JAKMIP3: variants seen among roughly 807,000 people sequenced by gnomAD.
The protein encoded by JAKMIP3 is janus kinase and microtubule-interacting protein 3.
A neutral mutation model predicts 118.5 loss-of-function variants in JAKMIP3; 58 were observed. That is an observed-to-expected ratio of 0.49 (90% CI 0.40 to 0.61). The LOEUF (loss-of-function observed/expected upper bound fraction) is 0.61. Among genes scored for constraint, JAKMIP3 ranks in the 20% least tolerant of loss-of-function variants. JAKMIP3 has a pLI of 0.00. For missense variants in JAKMIP3, 950 were observed against 1,109.0 expected (o/e 0.86, Z 2.04); for synonymous variants, 486 against 451.2 (o/e 1.08, Z -0.98).
Position 132,117,618 on chromosome 10 carries a change from C to G in JAKMIP3, c.633+44C>G. ...GCGGGCGTGGGCGAGGGTGCAGGGG[C>G]GGGCGTGGGCGAGGGTGCAGGGGCG... is the stretch of plus-strand genomic sequence containing the variant. On this transcript the variant is annotated intron_variant, in intron 3 of 23. Transcript: ENST00000684848. This position sits in a 1 kb window ranked among gnomAD's most constrained non-coding sequence, Gnocchi z 8.6. The G allele has an allele frequency of 3.0e-6, 2 of 673,952 alleles. No homozygotes were observed. The highest frequency in any genetic ancestry group is 4.5e-6 in the Non-Finnish European group (2 of 441,208). 41.7% of individuals were successfully genotyped at this position (673,952 alleles called of 1,614,324 possible).
intron 9 of JAKMIP3, among the ~76,000 whole-genome samples, chr10:132,138,833 G>A (rs982325170): frequency 2.6e-5 from 4 of 152,158 alleles, no homozygotes; most frequent in Non-Finnish European, 2.9e-5. Flanking sequence ...CACACCCCAC[G>A]CTCGCCTGTC....
intron 15 of JAKMIP3, 22 bp from the exon 16 acceptor site, chr10:132,149,960 C>T (rs2055756251): frequency 6.7e-7 from 1 of 1,488,170 alleles, no homozygotes; most frequent in Non-Finnish European, 8.9e-7. Context: ...CCACTCACCC[C>T]TACCTGTCCT....
intron 1 of JAKMIP3, among the ~76,000 whole-genome samples, chr10:132,099,459 C>T (rs192069160): frequency 1.4e-3 from 216 of 152,280 alleles, no homozygotes; most frequent in Non-Finnish European, 2.5e-3. Context: ...GTTAATTTAA[C>T]GACTTCCCTA....
upstream of JAKMIP3, among the ~76,000 whole-genome samples, chr10:132,062,734 T>A (rs993329136): frequency 4.6e-5 from 7 of 152,172 alleles, no homozygotes; most frequent in Non-Finnish European, 1.0e-4. Flanking sequence ...GTCTCAGTCA[T>A]GAGACAGAGG....
intron 1 of JAKMIP3, among the ~76,000 whole-genome samples, chr10:132,072,814 A>T (rs1162684804): frequency 2.0e-5 from 3 of 151,942 alleles, no homozygotes; most frequent in Admixed American, 6.6e-5. Context: ...ACATATGTAT[A>T]TTGTACAGTG....
At chr10:132,150,427 T>C (rs1463576448) in intron 16 of JAKMIP3, among the ~76,000 whole-genome samples, 4 of 152,212 alleles carry the variant, frequency 2.6e-5, no homozygotes, top group African/African-American at 7.2e-5. Context: ...TAAATTTCAT[T>C]TGGGGCAGAG....
At chr10:132,163,659 A>C (rs1248990843) in intron 20 of JAKMIP3, among the ~76,000 whole-genome samples, 1 of 151,820 alleles carries the variant, frequency 6.6e-6, no homozygotes, top group African/African-American at 2.4e-5. Flanking sequence ...CAGAATGGCC[A>C]CGCCCCCTGC....
rs1182860321 is a variant in JAKMIP3, at chr10:132,180,764, T to C, written c.*1104-1593T>C. Among the ~76,000 whole-genome samples, 61 of 32,150 alleles carry C rather than the reference T, an allele frequency of 1.9e-3. 14 individuals are homozygous for C. The highest frequency in any genetic ancestry group is 4.9e-3 in the African/African-American group (41 of 8,394). The allele number at this position is 32,150 out of a possible 152,430, so 21.1% of individuals were successfully genotyped here. ...GTGCGTGCGCGCGCGTGTGTGCGTGTGTGTGCGTGTGTGTGTGTGCGCGTA... is the reference window on the plus strand; with the variant it reads ...GTGCGTGCGCGCGCGTGTGTGCGTGCGTGTGCGTGTGTGTGTGTGCGCGTA... On this transcript the variant is annotated intron_variant, in intron 23 of 23. Transcript: ENST00000684848.
chr10:132,113,231 A>G (rs2047136132), intron 2 of JAKMIP3, among the ~76,000 whole-genome samples: 2 of 152,236 alleles, frequency 1.3e-5, no homozygotes, highest in South Asian at 4.1e-4. Flanking sequence ...CATGCAAATC[A>G]AAACAAAGTT....
In JAKMIP3 at chr10:132,044,529, C is replaced by T. The variant is rs2037852325; in HGVS notation, c.-138+7791C>T. ...GGTGCGGCCGGTGCAGAGGAGGATG[C>T]AGGAGGAGTGGGAGAAGCCAGTGTG... is the stretch of plus-strand genomic sequence containing the variant. On this transcript the variant is annotated intron_variant, in intron 1 of 23. Transcript: ENST00000657785. This position sits in a 1 kb window ranked among gnomAD's most constrained non-coding sequence, Gnocchi z 5.3. Among the ~76,000 whole-genome samples the T allele has an allele frequency of 2.0e-5, 3 of 152,002 alleles. No homozygotes were observed. In the South Asian group the frequency reaches 6.2e-4, roughly 32 times the overall value.
At chr10:132,100,705 C>G (rs1009929108) in intron 1 of JAKMIP3, among the ~76,000 whole-genome samples, 1 of 152,142 alleles carries the variant, frequency 6.6e-6, no homozygotes, top group Non-Finnish European at 1.5e-5. Flanking sequence ...TGTGATCATC[C>G]GAGGTGCGGA....
intron 3 of JAKMIP3, among the ~76,000 whole-genome samples, chr10:132,127,419 C>CGTGT (rs988183473): frequency 2.5e-5 from 2 of 79,824 alleles, no homozygotes; most frequent in Non-Finnish European, 5.0e-5. Context: ...TGTGTGTGTG[C>CGTGT]GTGTGTGTGT....
chr10:132,043,803 T>A (rs1205771830), intron 1 of JAKMIP3, among the ~76,000 whole-genome samples: 1 of 152,220 alleles, frequency 6.6e-6, no homozygotes. Flanking sequence ...CGCCCTGGGC[T>A]TCAGGCGTCG....
intron 3 of JAKMIP3, among the ~76,000 whole-genome samples, chr10:132,130,955 C>T (rs780205553): frequency 6.6e-6 from 1 of 151,660 alleles, no homozygotes; most frequent in Non-Finnish European, 1.5e-5. Context: ...ATGTCGGGGC[C>T]CCATGCAGAG....
At chr10:132,045,800 G>T (rs1451055191) in intron 1 of JAKMIP3, among the ~76,000 whole-genome samples, 2 of 151,978 alleles carry the variant, frequency 1.3e-5, no homozygotes, top group African/African-American at 4.8e-5. Flanking sequence ...TGGGCTTGGT[G>T]GCACATACCT....
intron 3 of JAKMIP3, among the ~76,000 whole-genome samples, chr10:132,122,196 G>A (rs532423756): frequency 6.6e-6 from 1 of 152,270 alleles, no homozygotes; most frequent in African/African-American, 2.4e-5. Context: ...TCGGCTCCCC[G>A]GCTGTCGGGG....
In JAKMIP3 at chr10:132,180,558, C is replaced by CGTGTGTGTGCGT. The variant is rs1211592532; in HGVS notation, c.*1104-1785_*1104-1774dup. Among the ~76,000 whole-genome samples the CGTGTGTGTGCGT allele has an allele frequency of 5.1e-3, 127 of 25,010 alleles. 51 individuals carry two copies. The highest frequency in any genetic ancestry group is 0.039 in the African/African-American group (119 of 3,020). 16.4% of individuals were successfully genotyped at this position (25,010 alleles called of 152,430 possible). A position where few individuals can be genotyped will look rare whatever the true frequency, so the allele number is the denominator to read the frequency against. On this transcript the variant is annotated intron_variant, in intron 23 of 23. Coordinates refer to ENST00000684848, the MANE Select transcript of JAKMIP3 (RefSeq NM_001323087.2). Reference sequence around the variant, plus strand: ...GTGTGTGTGTGTGCGTGCGTGCATGCGTGTGTGTGCGTGTGTGTGTGCGTG... The same window carrying CGTGTGTGTGCGT: ...GTGTGTGTGTGTGCGTGCGTGCATGCGTGTGTGTGCGTGTGTGTGTGCGTGTGTGTGTGCGTG...
chr10:132,152,887 G>A, intron 16 of JAKMIP3, 71 bp from the exon 17 acceptor site: 1 of 1,242,534 alleles, frequency 8.0e-7, no homozygotes. Context: ...GCTTCCCCAT[G>A]CATCCATCAC....
At chr10:132,116,234 G>T (rs553277534) in intron 2 of JAKMIP3, among the ~76,000 whole-genome samples, 5 of 152,370 alleles carry the variant, frequency 3.3e-5, no homozygotes, top group Non-Finnish European at 2.9e-5. Context: ...ACAGATTCCG[G>T]TGGGTGACCT....
Sources: gnomAD v4.1 joint callset for allele counts (sites outside exome capture counted in the v4.1 genomes callset) on GRCh38, gnomAD v4.1.1 for gene constraint, Gnocchi (gnomAD v3.1) non-coding constraint, MANE v1.5 for transcripts, NCBI Gene and HGNC (gene_info 2026-07-23, HGNC 2026-07-21) for gene names.